DNAH5: variants seen among roughly 807,000 people sequenced by gnomAD.
DNAH5 encodes axonemal beta dynein heavy chain 5.
Under a neutral mutation model 518.2 loss-of-function variants are expected in DNAH5, and 372 were observed. That is an observed-to-expected ratio of 0.72 (90% CI 0.66 to 0.78). The LOEUF is 0.78. Among genes scored for constraint, DNAH5 ranks in the 30% least tolerant of loss-of-function variants. The pLI, the probability that DNAH5 is intolerant of heterozygous loss-of-function variation, is 0.00. For missense variants in DNAH5, 5,523 were observed against 5,687.0 expected (o/e 0.97, Z 0.93); for synonymous variants, 2,039 against 2,025.9 (o/e 1.01, Z -0.17).
intron 35 of DNAH5, among the ~76,000 whole-genome samples, chr5:13,836,824 C>G (rs1764455963): frequency 6.6e-6 from 1 of 152,110 alleles, no homozygotes; most frequent in Non-Finnish European, 1.5e-5. Flanking sequence ...TCTCATGAGT[C>G]CTTAAAAGCA....
intron 1 of DNAH5, among the ~76,000 whole-genome samples, chr5:13,968,622 A>G (rs1447839108): frequency 6.6e-6 from 1 of 152,100 alleles, no homozygotes; most frequent in Non-Finnish European, 1.5e-5. Context: ...ACATTTATTG[A>G]CTTGCATATG....
intron 15 of DNAH5, 81 bp downstream of exon 15, chr5:13,900,125 G>T: frequency 7.9e-7 from 1 of 1,269,658 alleles, no homozygotes; most frequent in Non-Finnish European, 1.1e-6. Flanking sequence ...TCTGCTCCTT[G>T]AATATGACAC....
At chr5:13,804,890 A>G (rs551304515) in intron 47 of DNAH5, among the ~76,000 whole-genome samples, 29 of 152,242 alleles carry the variant, frequency 1.9e-4, no homozygotes, top group Non-Finnish European at 2.9e-4. Context: ...GGAAACGAGT[A>G]CATATTTCAT....
At chr5:13,949,920 G>A (rs1018927390) in intron 1 of DNAH5, among the ~76,000 whole-genome samples, 36 of 152,072 alleles carry the variant, frequency 2.4e-4, no homozygotes, top group African/African-American at 7.5e-4. Context: ...GATTAACAAC[G>A]AGCCAGCTAC....
chr5:13,963,578 A>AAAAT (rs148032042), intron 1 of DNAH5, among the ~76,000 whole-genome samples: 293 of 150,566 alleles, frequency 1.9e-3, no homozygotes, highest in East Asian at 0.011. Context: ...ACTCTATCTC[A>AAAAT]AAATAAATAA....
intron 4 of DNAH5, 35 bp downstream of exon 4, chr5:13,923,245 G>A: frequency 6.2e-7 from 1 of 1,613,576 alleles, no homozygotes; most frequent in Non-Finnish European, 8.5e-7. Flanking sequence ...GTGTTTTTTG[G>A]TAATTCAGAG....
At chr5:13,956,445 A>G (rs189290349) in intron 1 of DNAH5, among the ~76,000 whole-genome samples, 106 of 152,340 alleles carry the variant, frequency 7.0e-4, no homozygotes, top group African/African-American at 2.1e-3. Context: ...TTCTGTTTTT[A>G]TCCCCTTGAA....
At chr5:13,730,687 G>T (rs964009512) in intron 68 of DNAH5, among the ~76,000 whole-genome samples, 1 of 151,126 alleles carries the variant, frequency 6.6e-6, no homozygotes, top group South Asian at 2.1e-4. Flanking sequence ...GCCCACCTCG[G>T]CCTCCCAAAG....
At chr5:13,963,534 ACACCATTG>A (rs1781330190) in intron 1 of DNAH5, among the ~76,000 whole-genome samples, 1 of 152,020 alleles carries the variant, frequency 6.6e-6, no homozygotes, top group South Asian at 2.1e-4. Context: ...AGCCAAGATC[ACACCATTG>A]CACCCAGCCT....
At chr5:13,880,895 TAA>T (rs987524506) in intron 21 of DNAH5, among the ~76,000 whole-genome samples, 1 of 151,720 alleles carries the variant, frequency 6.6e-6, no homozygotes, top group Non-Finnish European at 1.5e-5. Flanking sequence ...CCAAATGAAC[TAA>T]AAGACCACAA....
chr5:13,875,057 T>C (rs1009019818), intron 22 of DNAH5, among the ~76,000 whole-genome samples: 7 of 152,228 alleles, frequency 4.6e-5, no homozygotes, highest in African/African-American at 1.7e-4. Context: ...AATTTGGCTA[T>C]CCTATAAATC....
chr5:13,791,403 T>C (rs1756963022), intron 50 of DNAH5, among the ~76,000 whole-genome samples: 2 of 152,346 alleles, frequency 1.3e-5, no homozygotes, highest in African/African-American at 2.4e-5. Context: ...CTTATAACAC[T>C]GGGAAATGTC....
At chr5:13,809,732 ATACTT>A (rs1760282878) in intron 45 of DNAH5, among the ~76,000 whole-genome samples, 1 of 152,220 alleles carries the variant, frequency 6.6e-6, no homozygotes, top group African/African-American at 2.4e-5. Flanking sequence ...TGGCAAAAAT[ATACTT>A]TAAACTTTGT....
intron 1 of DNAH5, among the ~76,000 whole-genome samples, chr5:13,937,349 A>G (rs1056034644): frequency 5.3e-5 from 8 of 150,908 alleles, no homozygotes; most frequent in African/African-American, 1.7e-4. Context: ...TTCCTGAGTT[A>G]TATCAGTGGT....
intron 1 of DNAH5, among the ~76,000 whole-genome samples, chr5:13,961,412 G>C (rs1781167394): frequency 6.6e-6 from 1 of 151,900 alleles, no homozygotes; most frequent in African/African-American, 2.4e-5. Context: ...AGGAGGCTGA[G>C]GCGGGCAGAT....
At chr5:13,748,755 C>T (rs1749783288) in intron 65 of DNAH5, among the ~76,000 whole-genome samples, 1 of 152,078 alleles carries the variant, frequency 6.6e-6, no homozygotes, top group East Asian at 1.9e-4. Context: ...GCTTAAGTTG[C>T]TTATCAGCTT....
At chr5:13,720,314 A>C (rs1744874390) in intron 71 of DNAH5, among the ~76,000 whole-genome samples, 1 of 152,240 alleles carries the variant, frequency 6.6e-6, no homozygotes, top group African/African-American at 2.4e-5. Context: ...AATATAAAAC[A>C]CAGCAACTAC....
At chr5:13,951,718 C>T (rs2152037059) in intron 1 of DNAH5, among the ~76,000 whole-genome samples, 1 of 152,306 alleles carries the variant, frequency 6.6e-6, no homozygotes, top group African/African-American at 2.4e-5. Context: ...CAGACACACA[C>T]CACCCTGCAG....
chr5:13,709,647 C>G (rs6554805), intron 75 of DNAH5, among the ~76,000 whole-genome samples: 1 of 151,902 alleles, frequency 6.6e-6, no homozygotes, highest in Admixed American at 6.6e-5. Flanking sequence ...AGCAGCAATC[C>G]CTAGAGGACC....
Sources: allele counts gnomAD v4.1 joint callset (sites outside exome capture counted in the v4.1 genomes callset), GRCh38; gene constraint gnomAD v4.1.1; transcripts MANE v1.5; gene names NCBI Gene and HGNC (gene_info 2026-07-23, HGNC 2026-07-21).